The following MROH9 variants were observed in gnomAD, a reference collection of about 807,000 sequenced individuals.
MROH9 encodes the protein maestro heat like repeat family member 9, also known as maestro heat-like repeat-containing protein family member 9.
MROH9 carries 92 observed loss-of-function variants against 98.2 expected under a neutral mutation model. The ratio of observed to expected loss-of-function variants is 0.94; its 90% CI spans 0.79 to 1.11. The LOEUF (loss-of-function observed/expected upper bound fraction) is 1.11, where lower values mean the gene tolerates loss of function less well. MROH9 is among the 50% of genes most tolerant of loss of function. MROH9 has a pLI of 0.00. For missense variants in MROH9, 1,057 were observed against 1,014.8 expected, an observed-to-expected ratio of 1.04 and a Z score of -0.57; for synonymous variants, 397 against 368.9, an observed-to-expected ratio of 1.08 and a Z score of -0.87.
intron 20 of MROH9, among the ~76,000 whole-genome samples, chr1:171,036,377 T>G (rs1653099503): frequency 6.6e-6 from 1 of 152,116 alleles, no homozygotes; most frequent in Non-Finnish European, 1.5e-5. Flanking sequence ...ATTAAAGTTT[T>G]ATGTATATAT....
At chr1:170,968,661 C>A (rs1158778300) in intron 7 of MROH9, among the ~76,000 whole-genome samples, 1 of 151,956 alleles carries the variant, frequency 6.6e-6, no homozygotes, top group Non-Finnish European at 1.5e-5. Context: ...GGTGGGAGGA[C>A]CTCTTGAGCC....
chr1:171,035,071 A>T lies in MROH9; in HGVS notation c.2281+9651A>T, dbSNP rs1653051277. 5.9e-5 allele frequency among the ~76,000 whole-genome samples: 9 copies of T among 152,208 alleles called. 1 individual carries two copies. Among genetic ancestry groups the T allele is most frequent in the Admixed American group, 5.9e-4 (9 of 15,278 alleles). On this transcript the variant is annotated intron_variant, in intron 20 of 21. Transcript: ENST00000367759. ...ATGTAAACATAAAACACAAATATTT[A>T]AAAACTTTTAGAAGAAAATGTAAGA...
At chr1:170,991,940 G>T (rs531690508) in intron 11 of MROH9, among the ~76,000 whole-genome samples, 14 of 152,104 alleles carry the variant, frequency 9.2e-5, no homozygotes, top group African/African-American at 2.7e-4. Flanking sequence ...ACCAGACTCT[G>T]GTATTTTCCA....
intron 8 of MROH9, among the ~76,000 whole-genome samples, chr1:170,977,283 T>C (rs1657433866): frequency 1.3e-5 from 2 of 152,218 alleles, no homozygotes; most frequent in Non-Finnish European, 2.9e-5. Context: ...TGGAGAACTA[T>C]TTCAGCCATC....
Position 170,992,349 on chromosome 1 carries a change from TTTC to T in MROH9, c.1194+28_1194+30del, listed in dbSNP as rs879433300. ...TTGGCGGTAAATAACACGATGAGTG[TTTC>T]TTCTTCTCAGTACTGTTTTCCTGAT... On this transcript the variant is annotated intron_variant, in intron 12 of 21. Coordinates refer to ENST00000367759, the MANE Select transcript of MROH9 (RefSeq NM_001163629.2). 3 of 1,607,118 alleles carry T rather than the reference TTTC, an allele frequency of 1.9e-6. No individual in the cohort carries two copies. Among genetic ancestry groups the T allele is most frequent in the Non-Finnish European group, 2.5e-6 (3 of 1,176,528 alleles).
rs1650463410 is a variant in MROH9 at position 170,971,729 on chromosome 1, TC to T, written c.481-17del. On this transcript the variant is annotated intron_variant, in intron 7 of 21. Coordinates refer to ENST00000367759, the MANE Select transcript of MROH9 (RefSeq NM_001163629.2). ...GGCTATGCATAGCAAATGCATGTTC[TC>T]CTTTGTTTCTCCATTAGATAAGTGT... The T allele has an allele frequency of 1.9e-6, 3 of 1,613,342 alleles. No homozygotes were observed. Among genetic ancestry groups the T allele is most frequent in the Non-Finnish European group, 2.5e-6 (3 of 1,179,504 alleles).
intron 15 of MROH9, among the ~76,000 whole-genome samples, chr1:171,011,870 A>C (rs1290142574): frequency 2.0e-5 from 3 of 150,600 alleles, no homozygotes; most frequent in Non-Finnish European, 4.4e-5. Context: ...CAATAGGCTT[A>C]TTAATTCTAT....
At chr1:171,001,896 A>G (rs1651796396) in intron 15 of MROH9, among the ~76,000 whole-genome samples, 1 of 152,036 alleles carries the variant, frequency 6.6e-6, no homozygotes, top group African/African-American at 2.4e-5. Flanking sequence ...GTCTATTAGT[A>G]ATTGTTTTAT....
intron 15 of MROH9, among the ~76,000 whole-genome samples, chr1:171,006,788 T>C (rs1651967068): frequency 6.6e-6 from 1 of 151,822 alleles, no homozygotes; most frequent in Admixed American, 6.6e-5. Context: ...AGCCTGTTAT[T>C]ATAGTCTTCA....
intron 6 of MROH9, among the ~76,000 whole-genome samples, chr1:170,962,735 T>C (rs1237574231): frequency 6.6e-6 from 1 of 152,078 alleles, no homozygotes; most frequent in Non-Finnish European, 1.5e-5. Flanking sequence ...GAGCTGTTTT[T>C]TTTAATTCAT....
At chr1:171,015,006 C>G (rs1317361964) in intron 16 of MROH9, 1 of 471,856 alleles carries the variant, frequency 2.1e-6, no homozygotes. Flanking sequence ...TTCTTACCTT[C>G]CAGGTCGACT....
At chr1:170,969,234 T>C (rs1650344371) in intron 7 of MROH9, among the ~76,000 whole-genome samples, 1 of 152,146 alleles carries the variant, frequency 6.6e-6, no homozygotes, top group Non-Finnish European at 1.5e-5. Context: ...TATGGCATAT[T>C]ATCCACTCAA....
Position 170,956,280 on chromosome 1 carries a change from C to T in MROH9, c.73-2181C>T, listed in dbSNP as rs551678921. Among the ~76,000 whole-genome samples, 173 of 151,996 alleles carry T rather than the reference C, an allele frequency of 1.1e-3. 1 individual carries two copies. The highest frequency in any genetic ancestry group is 4.0e-3 in the African/African-American group (166 of 41,472). Reference sequence around the variant, plus strand: ...CTCCAGATTTGTTCTTTTTGCTTAGCCTTGCTTTGGCTATGTGGGCTCTTT... The same window carrying T: ...CTCCAGATTTGTTCTTTTTGCTTAGTCTTGCTTTGGCTATGTGGGCTCTTT... On this transcript the variant is annotated intron_variant, in intron 3 of 21. Coordinates refer to ENST00000367759, the MANE Select transcript of MROH9 (RefSeq NM_001163629.2).
At chr1:170,995,879 T>C (rs1171088392) in intron 13 of MROH9, among the ~76,000 whole-genome samples, 1 of 152,186 alleles carries the variant, frequency 6.6e-6, no homozygotes, top group African/African-American at 2.4e-5. Flanking sequence ...GCCATTTACT[T>C]ACTTTCTGCT....
chr1:170,942,537 G>T (rs1649165541), intron 1 of MROH9, among the ~76,000 whole-genome samples: 1 of 152,058 alleles, frequency 6.6e-6, no homozygotes, highest in Non-Finnish European at 1.5e-5. Context: ...CTTTGATAGG[G>T]TAGGCCAGTA....
intron 7 of MROH9, among the ~76,000 whole-genome samples, chr1:170,970,743 A>T (rs1402524743): frequency 3.4e-3 from 425 of 124,446 alleles, no homozygotes; most frequent in African/African-American, 0.011. Flanking sequence ...AGAGAGAGAG[A>T]GAGAGAGAGA....
Position 170,981,740 on chromosome 1 carries a change from AAAT to A in MROH9, c.617-1679_617-1677del, listed in dbSNP as rs1435966463. Among the ~76,000 whole-genome samples, 3 of 133,512 alleles carry A rather than the reference AAAT, an allele frequency of 2.2e-5. No homozygotes were observed. The East Asian group carries it at 6.9e-4, about 31-fold the overall frequency. The allele number at this position is 133,512 out of a possible 152,430, so 87.6% of individuals were successfully genotyped here. ...TCCCCTTCCGCTTTTTTTTTAGAAG[AAAT>A]AAAAAAAAAAAACTCTCTATGAAAA... On this transcript the variant is annotated intron_variant, in intron 8 of 21. Coordinates refer to ENST00000367759, the MANE Select transcript of MROH9 (RefSeq NM_001163629.2).
chr1:171,045,601 C>A (rs1266526606), intron 20 of MROH9, among the ~76,000 whole-genome samples: 1 of 151,956 alleles, frequency 6.6e-6, no homozygotes, highest in Non-Finnish European at 1.5e-5. Context: ...GTATAGTTTC[C>A]AAAATTCCTC....
At chr1:170,955,501 T>A (rs890637447) in intron 3 of MROH9, among the ~76,000 whole-genome samples, 22 of 152,208 alleles carry the variant, frequency 1.4e-4, no homozygotes, top group Non-Finnish European at 2.8e-4. Flanking sequence ...GATTTTTTGA[T>A]TACCGTCATT....
Sources: allele counts gnomAD v4.1 joint callset (sites outside exome capture counted in the v4.1 genomes callset), GRCh38; gene constraint gnomAD v4.1.1; transcripts MANE v1.5; gene names NCBI Gene and HGNC (gene_info 2026-07-23, HGNC 2026-07-21).